The following UNC5D variants were observed in gnomAD, a reference collection of about 807,000 sequenced individuals.
UNC5D encodes the protein netrin receptor UNC5D.
Under a neutral mutation model 105.4 loss-of-function variants are expected in UNC5D, and 39 were observed. The observed-to-expected ratio is 0.37, with a 90% CI of 0.29 to 0.48. UNC5D has a LOEUF of 0.48. UNC5D is among the 20% of genes least tolerant of loss of function. The pLI, the probability that UNC5D is intolerant of heterozygous loss-of-function variation, is 0.98. For missense variants in UNC5D, 991 were observed against 1,202.4 expected (o/e 0.82, Z 2.60); for synonymous variants, 452 against 450.4 (o/e 1.00, Z -0.04).
At chr8:35,367,601 TACTTC>T (rs1236926938) in intron 1 of UNC5D, among the ~76,000 whole-genome samples, 2 of 151,236 alleles carry the variant, frequency 1.3e-5, no homozygotes, top group African/African-American at 4.9e-5. Context: ...AACCCTCAAA[TACTTC>T]ACTTCTGTTT....
chr8:35,698,440 G>A (rs1826947558), intron 7 of UNC5D, among the ~76,000 whole-genome samples: 1 of 151,940 alleles, frequency 6.6e-6, no homozygotes, highest in Non-Finnish European at 1.5e-5. Flanking sequence ...TCAGCCCTCA[G>A]CAACCACCAT....
intron 7 of UNC5D, 53 bp downstream of exon 7, chr8:35,686,762 A>T: frequency 6.6e-7 from 1 of 1,505,750 alleles, no homozygotes; most frequent in Non-Finnish European, 8.8e-7. Context: ...CCATTTATGC[A>T]TCTCAAGAAA....
chr8:35,740,885 G>A (rs1178513015), intron 11 of UNC5D, among the ~76,000 whole-genome samples: 1 of 152,096 alleles, frequency 6.6e-6, no homozygotes, highest in Non-Finnish European at 1.5e-5. Context: ...TAAAATAAAA[G>A]GATTCTGTGA....
At chr8:35,552,046 GGAGA>G (rs1816192251) in intron 2 of UNC5D, among the ~76,000 whole-genome samples, 1 of 152,016 alleles carries the variant, frequency 6.6e-6, no homozygotes, top group Admixed American at 6.5e-5. Flanking sequence ...ACTCCAAAAA[GGAGA>G]GAAACACCTA....
intron 1 of UNC5D, among the ~76,000 whole-genome samples, chr8:35,319,273 C>A (rs1015612769): frequency 2.1e-4 from 32 of 152,192 alleles, no homozygotes; most frequent in African/African-American, 5.5e-4. Flanking sequence ...TTCTGCCCCC[C>A]ACAGGCTCCA....
intron 4 of UNC5D, among the ~76,000 whole-genome samples, chr8:35,636,966 T>G (rs1822416556): frequency 6.6e-6 from 1 of 152,188 alleles, no homozygotes; most frequent in Admixed American, 6.5e-5. Context: ...GCAGACATTC[T>G]GACTGCCCGT....
chr8:35,474,546 A>T (rs1809952993), intron 1 of UNC5D, among the ~76,000 whole-genome samples: 1 of 152,188 alleles, frequency 6.6e-6, no homozygotes, highest in African/African-American at 2.4e-5. Context: ...AACACTTTAA[A>T]TATTCCATAA....
At position 35,516,796 on chromosome 8, in the gene UNC5D, C is replaced by T. The variant is rs541211063; in HGVS notation, c.104-32496C>T. 3.9e-5 allele frequency among the ~76,000 whole-genome samples: 6 copies of T among 152,240 alleles called. No homozygotes were observed. In the South Asian group the frequency reaches 1.2e-3, roughly 32 times the overall value. On this transcript the variant is annotated intron_variant, in intron 1 of 16. Coordinates refer to ENST00000404895, the MANE Select transcript of UNC5D (RefSeq NM_080872.4). ...GAGCTTTACCATTCTGGGTAATTGG[C>T]AGTGTCCAAGTGTATGAGGAATCCC...
At chr8:35,673,083 A>G (rs550479669) in intron 4 of UNC5D, among the ~76,000 whole-genome samples, 11 of 152,314 alleles carry the variant, frequency 7.2e-5, no homozygotes, top group African/African-American at 2.2e-4. Context: ...AATTAAGCTG[A>G]ATTTCTGCTT....
intron 7 of UNC5D, among the ~76,000 whole-genome samples, chr8:35,705,521 C>T (rs1246345312): frequency 1.3e-5 from 2 of 152,152 alleles, no homozygotes; most frequent in African/African-American, 4.8e-5. Flanking sequence ...GGCAGGATCC[C>T]TTTAAATATT....
At chr8:35,547,110 G>T (rs1457902242) in intron 1 of UNC5D, among the ~76,000 whole-genome samples, 1 of 152,062 alleles carries the variant, frequency 6.6e-6, no homozygotes, top group South Asian at 2.1e-4. Flanking sequence ...TTACATTTAA[G>T]TTTAATTTGT....
chr8:35,657,905 T>C (rs934172184), intron 4 of UNC5D, among the ~76,000 whole-genome samples: 2 of 152,168 alleles, frequency 1.3e-5, no homozygotes, highest in Non-Finnish European at 2.9e-5. Flanking sequence ...TATTATAACT[T>C]CCTAAGTAAG....
intron 3 of UNC5D, among the ~76,000 whole-genome samples, chr8:35,570,249 C>T (rs1024350293): frequency 9.2e-5 from 14 of 152,236 alleles, no homozygotes; most frequent in East Asian, 3.9e-4. Context: ...ACACATGCGT[C>T]GCATGGGGAG....
intron 1 of UNC5D, among the ~76,000 whole-genome samples, chr8:35,319,805 G>GA (rs35966630): frequency 5.6e-4 from 81 of 145,628 alleles, no homozygotes; most frequent in African/African-American, 1.4e-3. Flanking sequence ...TAGAAATGGA[G>GA]AAAAAAAAAA....
intron 3 of UNC5D, among the ~76,000 whole-genome samples, chr8:35,573,112 A>T (rs7016917): frequency 0.16 from 23,743 of 152,118 alleles, 3,962 homozygotes; most frequent in African/African-American, 0.42. Context: ...GCAATTTTAT[A>T]TTTCTGATGA....
At chr8:35,353,068 ACT>A (rs1215358736) in intron 1 of UNC5D, among the ~76,000 whole-genome samples, 5 of 152,202 alleles carry the variant, frequency 3.3e-5, no homozygotes, top group African/African-American at 9.6e-5. Flanking sequence ...GACAAATTCA[ACT>A]ACATAAAAAA....
intron 16 of UNC5D, among the ~76,000 whole-genome samples, chr8:35,776,681 C>G (rs1433641760): frequency 6.6e-6 from 1 of 152,160 alleles, no homozygotes; most frequent in Non-Finnish European, 1.5e-5. Context: ...TGACATAATT[C>G]ATATAACCTA....
chr8:35,699,997 T>C (rs185429017), intron 7 of UNC5D, among the ~76,000 whole-genome samples: 86 of 152,364 alleles, frequency 5.6e-4, no homozygotes, highest in Non-Finnish European at 9.4e-4. Context: ...AAATGAACTT[T>C]GAACACTCGG....
At chr8:35,549,236 C>A (rs147105723) in intron 1 of UNC5D, 56 bp from the exon 2 acceptor site, 5 of 1,555,660 alleles carry the variant, frequency 3.2e-6, no homozygotes, top group Middle Eastern at 2.3e-4. Flanking sequence ...CCATTGTGTC[C>A]TGGTGTATGT....
Sources: gnomAD v4.1 joint callset for allele counts (sites outside exome capture counted in the v4.1 genomes callset) on GRCh38, gnomAD v4.1.1 for gene constraint, MANE v1.5 for transcripts, NCBI Gene and HGNC (gene_info 2026-07-23, HGNC 2026-07-21) for gene names.